SIPA1L1: variants seen among roughly 807,000 people sequenced by gnomAD.
SIPA1L1 encodes the protein signal induced proliferation associated 1 like 1, also known as signal-induced proliferation-associated 1-like protein 1.
Under a neutral mutation model 162.7 loss-of-function variants are expected in SIPA1L1, and 26 were observed. That is an observed-to-expected ratio of 0.16 (90% confidence interval 0.12 to 0.22). SIPA1L1 has a LOEUF of 0.22. Ranked by LOEUF, SIPA1L1 falls within the 10% of genes least tolerant of loss-of-function variation. The pLI is 1.00. For missense variants in SIPA1L1, 1,874 were observed against 2,241.0 expected (o/e 0.84, Z 3.31); for synonymous variants, 829 against 837.4 (o/e 0.99, Z 0.17).
chr14:71,468,746 T>C (rs1378280794), intron 2 of SIPA1L1, among the ~76,000 whole-genome samples: 1 of 152,208 alleles, frequency 6.6e-6, no homozygotes, highest in African/African-American at 2.4e-5. Flanking sequence ...CTTAATCTTT[T>C]GTAGTAAAAA....
intron 2 of SIPA1L1, among the ~76,000 whole-genome samples, chr14:71,425,557 G>A (rs946984243): frequency 2.0e-5 from 3 of 152,002 alleles, no homozygotes; most frequent in Admixed American, 6.6e-5. Flanking sequence ...TAACTTCATC[G>A]TGTTGTGATT....
chr14:71,443,196 T>C (rs1048853350), intron 2 of SIPA1L1, among the ~76,000 whole-genome samples: 5 of 152,184 alleles, frequency 3.3e-5, no homozygotes, highest in African/African-American at 1.2e-4. Context: ...AGTGTTACTC[T>C]GTCTGAAAAT....
chr14:71,616,845 G>A (rs1449228785), intron 5 of SIPA1L1, among the ~76,000 whole-genome samples: 1 of 152,040 alleles, frequency 6.6e-6, no homozygotes, highest in East Asian at 1.9e-4. Flanking sequence ...ATGAATTGAG[G>A]TTATTGGTGA....
chr14:71,621,153 C>T (rs538942743), intron 6 of SIPA1L1, among the ~76,000 whole-genome samples: 1 of 152,306 alleles, frequency 6.6e-6, no homozygotes, highest in East Asian at 1.9e-4. Flanking sequence ...AGTCCTGGTC[C>T]TGGTCTTGCT....
At chr14:71,390,445 A>G (rs192273175) in intron 2 of SIPA1L1, among the ~76,000 whole-genome samples, 141 of 152,282 alleles carry the variant, frequency 9.3e-4, no homozygotes, top group African/African-American at 3.1e-3. Flanking sequence ...ATTCTTCAAA[A>G]ACATGGTTTT....
chr14:71,505,992 AC>A, intron 2 of SIPA1L1, among the ~76,000 whole-genome samples: 1 of 142,192 alleles, frequency 7.0e-6, no homozygotes, highest in South Asian at 2.5e-4. Flanking sequence ...CCCCACGAAA[AC>A]GTAAATTCTG....
At chr14:71,577,862 G>A (rs1366710965) in intron 4 of SIPA1L1, among the ~76,000 whole-genome samples, 1 of 149,530 alleles carries the variant, frequency 6.7e-6, no homozygotes, top group African/African-American at 2.5e-5. Context: ...CTCCTGAATA[G>A]CTGGGACCAC....
chr14:71,452,787 G>A (rs563551691), intron 2 of SIPA1L1, among the ~76,000 whole-genome samples: 1 of 152,308 alleles, frequency 6.6e-6, no homozygotes, highest in African/African-American at 2.4e-5. Context: ...GACTAAAGAG[G>A]ACTAGTGCTT....
intron 5 of SIPA1L1, among the ~76,000 whole-genome samples, chr14:71,600,830 G>GT (rs2036651100): frequency 1.3e-5 from 2 of 151,838 alleles, no homozygotes; most frequent in Non-Finnish European, 2.9e-5. Flanking sequence ...TTCTTTTCTT[G>GT]TTTTTTGTTT....
intron 11 of SIPA1L1, 88 bp downstream of exon 11, chr14:71,671,780 C>A: frequency 2.1e-6 from 2 of 967,318 alleles, no homozygotes; most frequent in Non-Finnish European, 3.0e-6. Flanking sequence ...GAACCTTGTG[C>A]TCTGTTATTA....
At chr14:71,611,428 AT>A (rs776639437) in intron 5 of SIPA1L1, among the ~76,000 whole-genome samples, 205 of 147,978 alleles carry the variant, frequency 1.4e-3, no homozygotes, top group Non-Finnish European at 2.4e-3. Flanking sequence ...ATGTTCTAGG[AT>A]ACATGTGCAG....
At chr14:71,596,770 T>G (rs575970587) in intron 5 of SIPA1L1, among the ~76,000 whole-genome samples, 2 of 152,286 alleles carry the variant, frequency 1.3e-5, no homozygotes, top group African/African-American at 2.4e-5. Context: ...CTTCCTTTGT[T>G]GGAACTCTGT....
chr14:71,342,414 A>G (rs2035755693), intron 2 of SIPA1L1, among the ~76,000 whole-genome samples: 1 of 152,212 alleles, frequency 6.6e-6, no homozygotes, highest in Non-Finnish European at 1.5e-5. Context: ...TGCTTTCCAC[A>G]GTGGCTGAAC....
chr14:71,452,405 C>G (rs767362030), intron 2 of SIPA1L1, among the ~76,000 whole-genome samples: 1 of 152,092 alleles, frequency 6.6e-6, no homozygotes, highest in African/African-American at 2.4e-5. Flanking sequence ...TGTGAATATA[C>G]TACACTTTAT....
intron 7 of SIPA1L1, among the ~76,000 whole-genome samples, chr14:71,649,255 A>C (rs955269546): frequency 1.4e-5 from 2 of 147,900 alleles, no homozygotes; most frequent in Admixed American, 1.4e-4. Flanking sequence ...TATGTGGTAC[A>C]GTCATGACTC....
chr14:71,573,708 A>G (rs971821413), intron 4 of SIPA1L1: 7 of 456,618 alleles, frequency 1.5e-5, no homozygotes, highest in Non-Finnish European at 3.1e-5. Context: ...CTTACCTGCC[A>G]ATGGTTTTTT....
chr14:71,406,036 G>A (rs1393274579), intron 2 of SIPA1L1, among the ~76,000 whole-genome samples: 1 of 152,186 alleles, frequency 6.6e-6, no homozygotes, highest in African/African-American at 2.4e-5. Context: ...GCGTCTCGTC[G>A]AGAGATAACA....
At chr14:71,330,186 A>G (rs1165126155) in intron 2 of SIPA1L1, among the ~76,000 whole-genome samples, 1 of 152,152 alleles carries the variant, frequency 6.6e-6, no homozygotes. Context: ...TAAAAGTGCA[A>G]TACAGTTTGG....
chr14:71,390,660 C>T (rs1309201907), intron 2 of SIPA1L1, among the ~76,000 whole-genome samples: 1 of 152,056 alleles, frequency 6.6e-6, no homozygotes, highest in African/African-American at 2.4e-5. Flanking sequence ...TGGCATGTGC[C>T]TGTGGTTCCA....
Sources: gnomAD v4.1 joint callset for allele counts (sites outside exome capture counted in the v4.1 genomes callset) on GRCh38, gnomAD v4.1.1 for gene constraint, MANE v1.5 for transcripts, NCBI Gene and HGNC (gene_info 2026-07-23, HGNC 2026-07-21) for gene names.